Variants in ARSD observed in about 807,000 individuals in gnomAD.
ARSD encodes the protein testis tissue sperm-binding protein Li 39a.
ARSD carries 21 observed loss-of-function variants against 32.6 expected under a neutral mutation model. The ratio of observed to expected loss-of-function variants is 0.64; its 90% confidence interval spans 0.46 to 0.93. The LOEUF (loss-of-function observed/expected upper bound fraction) is 0.93, where lower values mean the gene tolerates loss of function less well. Among genes scored for constraint, ARSD ranks in the 40% least tolerant of loss-of-function variants. ARSD has a pLI of 0.00. For missense variants in ARSD, 454 were observed against 520.9 expected (o/e 0.87, Z 1.25); for synonymous variants, 224 against 237.4 (o/e 0.94, Z 0.52).
Position 2,907,377 on chromosome X carries a change from G to A in ARSD, c.1676C>T (p.Pro559Leu), listed in dbSNP as rs1243261988. 2 of 1,210,546 alleles carry A rather than the reference G, an allele frequency of 1.7e-6. No individual in the cohort carries two copies. Among genetic ancestry groups the A allele is most frequent in the East Asian group, 3.0e-5 (1 of 33,746 alleles). The part of the protein sequence containing the change: ...SEHRQTLSPV[P>L]QQFSMSNILW... ...GATGTTGCTCATGGAAAACTGCTGGGGCACAGGACTCAGGGTCTGCCGATG... is the reference window on the plus strand; with the variant it reads ...GATGTTGCTCATGGAAAACTGCTGGAGCACAGGACTCAGGGTCTGCCGATG... Residue 559 changes from proline to leucine, a missense_variant, in exon 10 of 10, where the codon CCC (proline) becomes CTC (leucine). Coordinates refer to ENST00000381154, the MANE Select transcript of ARSD (RefSeq NM_001669.4).
At chrX:2,922,842 C>CAAAAAAAAAAAAAAAAAAAAAA (rs60380048) in intron 2 of ARSD, among the ~76,000 whole-genome samples, 20 of 43,717 alleles carry the variant, frequency 4.6e-4, no homozygotes, top group Non-Finnish European at 7.1e-4. Flanking sequence ...GACCGTGTCT[C>CAAAAAAAAAAAAAAAAAAAAAA]AAAAAAAAAA....
rs1305146599 is a variant in ARSD, at chrX:2,905,772, C to A, written c.*1499G>T. On this transcript the variant is annotated 3_prime_UTR_variant, in exon 10 of 10. Coordinates refer to ENST00000381154, the MANE Select transcript of ARSD (RefSeq NM_001669.4). ...GTTTTCTTGTTTTCCTGCTGACCAA[C>A]CTAATTCTGGTTTCATACAGGGCAG... is the stretch of plus-strand genomic sequence containing the variant. 8.9e-6 allele frequency: 1 copy of A among 112,931 alleles called. No homozygotes were observed. Among genetic ancestry groups the A allele is most frequent in the African/African-American group, 3.2e-5 (1 of 31,080 alleles). The allele number at this position is 112,931 out of a possible 1,213,427, so 9.3% of individuals were successfully genotyped here.
chrX:2,922,626 G>A (rs1217819070), intron 2 of ARSD, among the ~76,000 whole-genome samples: 1 of 109,069 alleles, frequency 9.2e-6, no homozygotes, highest in Non-Finnish European at 1.9e-5. Context: ...CTTGAGGTCA[G>A]GAGTTCAAGA....
intron 2 of ARSD, among the ~76,000 whole-genome samples, chrX:2,924,405 G>A (rs1378019671): frequency 8.8e-6 from 1 of 113,667 alleles, no homozygotes; most frequent in East Asian, 2.8e-4. Flanking sequence ...TGCGGGGACC[G>A]CTCCTGAGGT....
intron 1 of ARSD, among the ~76,000 whole-genome samples, chrX:2,927,954 C>G (rs866122444): frequency 1.7e-4 from 19 of 112,002 alleles, no homozygotes; most frequent in African/African-American, 3.9e-4. Flanking sequence ...GCCCTTGAGC[C>G]GCTGCTTGGT....
chrX:2,914,819 G>C (rs73632955), intron 6 of ARSD: 33 of 1,012,597 alleles, frequency 3.3e-5, no homozygotes, highest in Non-Finnish European at 4.0e-5. Flanking sequence ...AAGTAATTGG[G>C]AATACTGAAG....
chrX:2,917,393 G>A (rs2088972476), intron 5 of ARSD, among the ~76,000 whole-genome samples: 1 of 111,421 alleles, frequency 9.0e-6, no homozygotes, highest in South Asian at 3.8e-4. Flanking sequence ...TCCTCCGAGG[G>A]TTGGTGTCTG....
intron 6 of ARSD, among the ~76,000 whole-genome samples, chrX:2,912,656 C>T (rs932982601): frequency 1.8e-5 from 2 of 111,435 alleles, no homozygotes; most frequent in African/African-American, 6.5e-5. Flanking sequence ...CCAGTGAGCA[C>T]GCTTTTTTAA....
At chrX:2,908,329 A>T (rs2088870945) in intron 9 of ARSD, among the ~76,000 whole-genome samples, 1 of 110,440 alleles carries the variant, frequency 9.1e-6, no homozygotes, top group Admixed American at 9.7e-5. Context: ...TATCTTATCT[A>T]TCATCTATCC....
At chrX:2,907,720 A>G in intron 9 of ARSD, 88 bp from the exon 10 acceptor site, 1 of 1,075,137 alleles carries the variant, frequency 9.3e-7, no homozygotes, top group Non-Finnish European at 1.2e-6. Context: ...TGGTATCAGC[A>G]TGAACCTCCC....
intron 8 of ARSD, 127 bp downstream of exon 8, chrX:2,909,683 CAAAAAAA>C (rs751282477): frequency 4.5e-5 from 13 of 289,469 alleles, no homozygotes; most frequent in South Asian, 9.2e-5. Context: ...GACTCTGTCT[CAAAAAAA>C]AAAAAAAAAA....
chrX:2,924,022 G>A (rs1417045060), intron 2 of ARSD, among the ~76,000 whole-genome samples: 2 of 112,367 alleles, frequency 1.8e-5, no homozygotes, highest in Non-Finnish European at 3.8e-5. Flanking sequence ...TCCCTGGACA[G>A]GGGGCAGATT....
intron 3 of ARSD, among the ~76,000 whole-genome samples, chrX:2,921,385 TTATC>T (rs969916327): frequency 5.7e-4 from 64 of 112,070 alleles, no homozygotes; most frequent in African/African-American, 1.7e-3. Context: ...TCATCTATCA[TTATC>T]TATCAATCAT....
chrX:2,911,096 G>T, intron 6 of ARSD, among the ~76,000 whole-genome samples: 1 of 112,361 alleles, frequency 8.9e-6, no homozygotes, highest in East Asian at 2.8e-4. Flanking sequence ...GTCAGGCCGG[G>T]CCTGGCGGCT....
intron 5 of ARSD, among the ~76,000 whole-genome samples, chrX:2,916,899 T>C (rs73632960): frequency 9.0e-6 from 1 of 110,803 alleles, no homozygotes; most frequent in South Asian, 3.9e-4. Flanking sequence ...AGTGTATACA[T>C]GTAACAAAAT....
Position 2,915,626 on chromosome X carries a change from C to T in ARSD, c.930G>A (p.Thr310=), listed in dbSNP as rs780362804. 5 of 1,209,512 alleles carry T rather than the reference C, an allele frequency of 4.1e-6. No homozygotes were observed. The highest frequency in any genetic ancestry group is 4.4e-5 in the Admixed American group (2 of 45,700). ...LLHVHIPLVT[T]SAFLGKSQHG... The stretch of plus-strand genomic sequence containing the variant: ...GCTGACTTTTCCCCAGGAATGCACT[C>T]GTGGTCACAAGGGGAATGTGCACAT... The change falls in exon 6 of 10, where the codon ACG becomes ACA. Residue 310 remains threonine (T), a synonymous_variant. Coordinates refer to ENST00000381154, the MANE Select transcript of ARSD (RefSeq NM_001669.4).
intron 1 of ARSD, among the ~76,000 whole-genome samples, chrX:2,927,452 C>T (rs929816598): frequency 5.5e-5 from 6 of 109,288 alleles, no homozygotes; most frequent in South Asian, 4.0e-4. Context: ...AGTAGAGGCC[C>T]GGCCTAATTT....
At position 2,907,394 on chromosome X, in the gene ARSD, C is replaced by G. The variant is rs370313423; in HGVS notation, c.1659G>C (p.Gln553His). ...ACTGCTGGGGCACAGGACTCAGGGT[C>G]TGCCGATGCTCCGACACCGCGGCAC... is the stretch of plus-strand genomic sequence containing the variant. ...RVGAAVSEHR[Q>H]TLSPVPQQFS... The change falls in exon 10 of 10, where the codon CAG (glutamine) becomes CAC (histidine). Residue 553 changes from glutamine to histidine, a missense_variant. This residue lies in a region of ARSD where 179 missense variants were observed against 198.5 expected (regional missense o/e 0.90). Transcript: ENST00000381154. The G allele has an allele frequency of 7.4e-6, 9 of 1,212,160 alleles. No individual in the cohort carries two copies. The highest frequency in any genetic ancestry group is 1.0e-5 in the Non-Finnish European group (9 of 895,604).
At chrX:2,927,593 G>T (rs1331984178) in intron 1 of ARSD, among the ~76,000 whole-genome samples, 5 of 111,997 alleles carry the variant, frequency 4.5e-5, no homozygotes, top group African/African-American at 6.5e-5. Context: ...TCGCCTGGCG[G>T]GAAAATCCTA....
Sources: gnomAD v4.1 joint callset for allele counts (sites outside exome capture counted in the v4.1 genomes callset) on GRCh38, gnomAD v4.1.1 for gene constraint, gnomAD v4.1.1 regional missense constraint, MANE v1.5 for transcripts, NCBI Gene and HGNC (gene_info 2026-07-23, HGNC 2026-07-21) for gene names.